Variants in FAM8A1 observed in about 807,000 individuals in gnomAD.
FAM8A1 encodes protein FAM8A1.
FAM8A1 carries 18 observed loss-of-function variants against 38.3 expected under a neutral mutation model. That is an observed-to-expected ratio of 0.47 (90% CI 0.33 to 0.70). FAM8A1 has a LOEUF of 0.70. FAM8A1 is among the 30% of genes least tolerant of loss of function. FAM8A1 has a pLI of 0.03. For synonymous variants in FAM8A1, 246 were observed against 234.4 expected (o/e 1.05, Z -0.45); for missense variants, 559 against 559.6 (o/e 1.00, Z 0.01).
In FAM8A1 at chr6:17,609,729, C is replaced by G. The variant is rs1026561409; in HGVS notation, c.*1390C>G. ...TCTGACATTGTTTTCCAAAGACACA[C>G]TAAACTGCATTGCACAGTTCAAAAT... On this transcript the variant is annotated 3_prime_UTR_variant, in exon 5 of 5. Coordinates refer to ENST00000259963, the MANE Select transcript of FAM8A1 (RefSeq NM_016255.3). 15 of 152,148 alleles carry G rather than the reference C, an allele frequency of 9.9e-5. No individual in the cohort carries two copies. The highest frequency in any genetic ancestry group is 3.1e-4 in the African/African-American group (13 of 41,438). 9.4% of individuals were successfully genotyped at this position (152,148 alleles called of 1,614,324 possible). A position where few individuals can be genotyped will look rare whatever the true frequency, so the allele number is the denominator to read the frequency against.
rs935585896 is a variant in FAM8A1, at chr6:17,608,681, T to C, written c.*342T>C. ...GAAATCTCCAAATGAAACTTTAAAA[T>C]TTATTTTGGTTTATCCCAAAATAAT... On this transcript the variant is annotated 3_prime_UTR_variant, in exon 5 of 5. Transcript: ENST00000259963. 5.9e-6 allele frequency: 1 copy of C among 170,086 alleles called. No individual in the cohort carries two copies. The highest frequency in any genetic ancestry group is 1.2e-5 in the Non-Finnish European group (1 of 80,312). 10.5% of individuals were successfully genotyped at this position (170,086 alleles called of 1,614,324 possible). A position where few individuals can be genotyped will look rare whatever the true frequency, so the allele number is the denominator to read the frequency against.
chr6:17,610,455 A>G lies in FAM8A1; in HGVS notation c.*2116A>G, dbSNP rs1764124347. 1 of 152,148 alleles carries G rather than the reference A, an allele frequency of 6.6e-6. No individual in the cohort carries two copies. The highest frequency in any genetic ancestry group is 1.5e-5 in the Non-Finnish European group (1 of 67,994). The allele number at this position is 152,148 out of a possible 1,614,324, so 9.4% of individuals were successfully genotyped here. ...ATAACCCTACAAAATACATAGAAGT[A>G]TTATTTGCCTTCATAATAGAACCCA... On this transcript the variant is annotated 3_prime_UTR_variant, in exon 5 of 5. Transcript: ENST00000259963.
rs1470063529 is a variant in FAM8A1, at chr6:17,610,354, C to CTA, written c.*2021_*2022dup. The CTA allele has an allele frequency of 6.6e-6, 1 of 152,040 alleles. No homozygotes were observed. The highest frequency in any genetic ancestry group is 2.4e-5 in the African/African-American group (1 of 41,416). The allele number at this position is 152,040 out of a possible 1,614,324, so 9.4% of individuals were successfully genotyped here. ...TTGTACTTAGAATATTGCACATTTT[C>CTA]TATATATGAGTTATTCAGATTAGTA... On this transcript the variant is annotated 3_prime_UTR_variant, in exon 5 of 5. Coordinates refer to ENST00000259963, the MANE Select transcript of FAM8A1 (RefSeq NM_016255.3).
intron 1 of FAM8A1, among the ~76,000 whole-genome samples, chr6:17,602,033 G>A (rs995605348): frequency 1.3e-5 from 2 of 152,110 alleles, no homozygotes; most frequent in Non-Finnish European, 2.9e-5. Flanking sequence ...TTTCTAGGGG[G>A]AAAGTGGGGA....
At chr6:17,601,649 C>G (rs974555691) in intron 1 of FAM8A1, among the ~76,000 whole-genome samples, 2 of 152,186 alleles carry the variant, frequency 1.3e-5, no homozygotes, top group Admixed American at 1.3e-4. Context: ...GTTTTTGCTT[C>G]TGTGTGTGAA....
chr6:17,601,034 G>A lies in FAM8A1; in HGVS notation c.625G>A (p.Val209Met), dbSNP rs769815801. The A allele has an allele frequency of 3.3e-5, 53 of 1,591,484 alleles. No homozygotes were observed. Among genetic ancestry groups the A allele is most frequent in the Middle Eastern group, 1.7e-4 (1 of 6,044 alleles). ...GGGCCTGGGACCCCGGGCTCCTCAC[G>A]TGCAGGCGTCGGTCCGGGCCACTCC... Reference protein sequence around the residue: ...VAGLGPRAPHVQASVRATPVT... With the variant: ...VAGLGPRAPHMQASVRATPVT... The change falls in exon 1 of 5, where the codon GTG becomes ATG. Residue 209 changes from valine to methionine, a missense_variant. Coordinates refer to ENST00000259963, the MANE Select transcript of FAM8A1 (RefSeq NM_016255.3).
chr6:17,600,511 C>T lies in FAM8A1; in HGVS notation c.102C>T (p.Thr34=), dbSNP rs1763965050. The T allele has an allele frequency of 6.5e-7, 1 of 1,534,886 alleles. No individual in the cohort carries two copies. Among genetic ancestry groups the T allele is most frequent in the Non-Finnish European group, 8.7e-7 (1 of 1,145,338 alleles). The change falls in exon 1 of 5, where the codon ACC becomes ACT. Residue 34 remains threonine (T), a synonymous_variant. Coordinates refer to ENST00000259963, the MANE Select transcript of FAM8A1 (RefSeq NM_016255.3). ...CTTCCCTGAGAGGCCCTCCTACCACCGCCGTCCCATGCCCCCGCGACGACC... is the reference window on the plus strand; with the variant it reads ...CTTCCCTGAGAGGCCCTCCTACCACTGCCGTCCCATGCCCCCGCGACGACC... The part of the protein sequence containing the change: ...PVPSLRGPPT[T]AVPCPRDDPQ...
chr6:17,608,190 T>C lies in FAM8A1; in HGVS notation c.1098-5T>C. 1 of 1,610,430 alleles carries C rather than the reference T, an allele frequency of 6.2e-7. No individual in the cohort carries two copies. Among genetic ancestry groups the C allele is most frequent in the African/African-American group, 1.3e-5 (1 of 74,392 alleles). On this transcript the variant is annotated splice_polypyrimidine_tract_variant and splice_region_variant and intron_variant, in intron 4 of 4. Transcript: ENST00000259963. ...TTACCTGATATTTTTGTTTTAACTT[T>C]TTAGGTCCACTATCCGAGCTTTGAT...
Position 17,600,949 on chromosome 6 carries a change from C to T in FAM8A1, c.540C>T (p.Pro180=). 1.3e-6 allele frequency: 2 copies of T among 1,591,582 alleles called. No individual in the cohort carries two copies. Among genetic ancestry groups the T allele is most frequent in the Non-Finnish European group, 1.7e-6 (2 of 1,171,500 alleles). ...GYYNPFYFLS[P]GAAGPDPRTA... ...ACAACCCCTTCTACTTCCTGAGCCC[C>T]GGGGCCGCGGGGCCTGACCCGCGGA... Residue 180 remains proline, a synonymous_variant, in exon 1 of 5, where the codon CCC becomes CCT. Coordinates refer to ENST00000259963, the MANE Select transcript of FAM8A1 (RefSeq NM_016255.3).
intron 2 of FAM8A1, among the ~76,000 whole-genome samples, chr6:17,603,515 A>C (rs777384002): frequency 6.6e-6 from 1 of 152,152 alleles, no homozygotes; most frequent in Non-Finnish European, 1.5e-5. Context: ...CATCCAGTGA[A>C]ATACCAACTC....
At chr6:17,606,319 G>T (rs1343135835) in intron 4 of FAM8A1, among the ~76,000 whole-genome samples, 3 of 151,278 alleles carry the variant, frequency 2.0e-5, no homozygotes, top group Admixed American at 1.3e-4. Flanking sequence ...TCCTGCCTCA[G>T]CCTCCCGAGT....
chr6:17,609,333 A>T lies in FAM8A1; in HGVS notation c.*994A>T, dbSNP rs1764103827. On this transcript the variant is annotated 3_prime_UTR_variant, in exon 5 of 5. Transcript: ENST00000259963. ...TCCTTATATTTTATATAGTTCTATG[A>T]CTGTTGAAACATCAAGGAGTTAAAA... 6.6e-6 allele frequency: 1 copy of T among 152,168 alleles called. No individual in the cohort carries two copies. The highest frequency in any genetic ancestry group is 1.5e-5 in the Non-Finnish European group (1 of 68,022). The allele number at this position is 152,168 out of a possible 1,614,324, so 9.4% of individuals were successfully genotyped here.
chr6:17,606,085 T>C, intron 4 of FAM8A1, 72 bp downstream of exon 4: 1 of 1,205,866 alleles, frequency 8.3e-7, no homozygotes, highest in Non-Finnish European at 1.1e-6. Flanking sequence ...TTGGGGTTTT[T>C]TTCTTCATAG....
chr6:17,604,985 A>G lies in FAM8A1; in HGVS notation c.913A>G (p.Met305Val). The G allele has an allele frequency of 6.2e-7, 1 of 1,611,784 alleles. No homozygotes were observed. The highest frequency in any genetic ancestry group is 1.7e-5 in the Admixed American group (1 of 59,816). Residue 305 changes from methionine to valine, a missense_variant, in exon 3 of 5, where the codon ATG (methionine) becomes GTG (valine). By Grantham distance (21) the Met-to-Val change is conservative. This residue lies in a region of FAM8A1 where 166 missense variants were observed against 220.8 expected (regional missense o/e 0.75). Transcript: ENST00000259963. ...DTSMEDLQKM[M>V]VVALIYRLLV... ...ATCAATGGAAGACTTGCAGAAAATG[A>G]TGGTTGTGGCACTTATATACAGATT...
rs762193188 is a variant in FAM8A1 at position 17,600,535 on chromosome 6, C to CCCCCAGGCCGAA, written c.136_147dup (p.Glu46_Ala49dup). 63 of 1,528,758 alleles carry CCCCCAGGCCGAA rather than the reference C, an allele frequency of 4.1e-5. No homozygotes were observed. In the African/African-American group the frequency reaches 7.2e-4, roughly 18 times the overall value. 94.7% of individuals were successfully genotyped at this position (1,528,758 alleles called of 1,614,324 possible). On this transcript the variant is annotated inframe_insertion, in exon 1 of 5. Transcript: ENST00000259963. ...CCGCCGTCCCATGCCCCCGCGACGA[C>CCCCCAGGCCGAA]CCCCAGGCCGAACCCCAGGCCCCGG...
rs993301434 is a variant in FAM8A1 at position 17,600,947 on chromosome 6, C to G, written c.538C>G (p.Pro180Ala). 6.3e-7 allele frequency: 1 copy of G among 1,592,936 alleles called. No individual in the cohort carries two copies. Among genetic ancestry groups the G allele is most frequent in the Non-Finnish European group, 8.5e-7 (1 of 1,172,004 alleles). The change falls in exon 1 of 5, where the codon CCC (proline) becomes GCC (alanine). Residue 180 changes from proline to alanine, a missense_variant. Around this residue, in one of 2 missense-constraint regions of FAM8A1, gnomAD observed 393 missense variants for 338.9 expected, o/e 1.16. Coordinates refer to ENST00000259963, the MANE Select transcript of FAM8A1 (RefSeq NM_016255.3). ...TTACAACCCCTTCTACTTCCTGAGC[C>G]CCGGGGCCGCGGGGCCTGACCCGCG... ...GYYNPFYFLSPGAAGPDPRTA... is the reference protein window; with the variant it reads ...GYYNPFYFLSAGAAGPDPRTA...
At chr6:17,602,473 A>G (rs1763997591) in intron 1 of FAM8A1, 117 bp from the exon 2 acceptor site, 4 of 998,184 alleles carry the variant, frequency 4.0e-6, no homozygotes, top group Non-Finnish European at 2.9e-6. Context: ...ACGGTTATAA[A>G]TATTTTTTAT....
chr6:17,611,576 C>T lies in FAM8A1; in HGVS notation c.*3237C>T, dbSNP rs1764146611. On this transcript the variant is annotated 3_prime_UTR_variant, in exon 5 of 5. Transcript: ENST00000259963. ...CTCATTTCAAACAGTATACATACTTCTTTGCAGTTCATTATAGTAAGGCTT... is the reference window on the plus strand; with the variant it reads ...CTCATTTCAAACAGTATACATACTTTTTTGCAGTTCATTATAGTAAGGCTT... 6.6e-6 allele frequency: 1 copy of T among 152,570 alleles called. No individual in the cohort carries two copies. Among genetic ancestry groups the T allele is most frequent in the African/African-American group, 2.4e-5 (1 of 41,448 alleles). The allele number at this position is 152,570 out of a possible 1,614,324, so 9.5% of individuals were successfully genotyped here.
rs2113750087 is a variant in FAM8A1, at chr6:17,611,488, A to C, written c.*3149A>C. The C allele has an allele frequency of 6.5e-6, 1 of 152,698 alleles. No individual in the cohort carries two copies. Among genetic ancestry groups the C allele is most frequent in the East Asian group, 1.9e-4 (1 of 5,184 alleles). The allele number at this position is 152,698 out of a possible 1,614,324, so 9.5% of individuals were successfully genotyped here. The stretch of plus-strand genomic sequence containing the variant: ...AGACAAGTAACATGTCAATTACTTG[A>C]TATTCCTTGTCTCCAGTACCACAGG... On this transcript the variant is annotated 3_prime_UTR_variant, in exon 5 of 5. Transcript: ENST00000259963.
Sources: gnomAD v4.1 joint callset for allele counts (sites outside exome capture counted in the v4.1 genomes callset) on GRCh38, gnomAD v4.1.1 for gene constraint, gnomAD v4.1.1 regional missense constraint, MANE v1.5 for transcripts, NCBI Gene and HGNC (gene_info 2026-07-23, HGNC 2026-07-21) for gene names.